The following COL17A1 variants were observed in gnomAD, a reference collection of about 807,000 sequenced individuals.
The protein encoded by COL17A1 is collagen alpha-1(XVII) chain.
COL17A1 carries 181 observed loss-of-function variants against 218.4 expected under a neutral mutation model. The ratio of observed to expected loss-of-function variants is 0.83; its 90% CI spans 0.73 to 0.94. COL17A1 has a LOEUF of 0.94. Among genes scored for constraint, COL17A1 ranks in the 40% least tolerant of loss-of-function variants. COL17A1 has a pLI of 0.00. For synonymous variants in COL17A1, 721 were observed against 731.0 expected (o/e 0.99, Z 0.22); for missense variants, 1,924 against 1,945.9 (o/e 0.99, Z 0.21).
intron 13 of COL17A1, among the ~76,000 whole-genome samples, chr10:104,060,747 T>A (rs805703): frequency 6.6e-6 from 1 of 152,156 alleles, no homozygotes; most frequent in Admixed American, 6.5e-5. Context: ...ACTTATTGCT[T>A]TCCTTATAAT....
At chr10:104,035,795 T>C (rs2086275237) in intron 48 of COL17A1, among the ~76,000 whole-genome samples, 3 of 30,632 alleles carry the variant, frequency 9.8e-5, no homozygotes. Context: ...TGTGTGTGTA[T>C]GAGTATGTGT....
intron 15 of COL17A1, 69 bp from the exon 16 acceptor site, chr10:104,058,259 C>T (rs148874976): frequency 1.1e-4 from 182 of 1,602,678 alleles, no homozygotes; most frequent in Admixed American, 2.2e-4. Flanking sequence ...TATGGAGTAG[C>T]CATTTTTTTA....
rs1206262699 is a variant in COL17A1 at position 104,063,889 on chromosome 10, C to T, written c.767-71G>A. ...GATAGGGATAGAGATTTGGATACCA[C>T]AGAAGCACCAGAAGAAATGCCAGGA... On this transcript the variant is annotated intron_variant, in intron 10 of 55. Transcript: ENST00000648076. 2.5e-6 allele frequency: 4 copies of T among 1,598,898 alleles called. No homozygotes were observed. The African/African-American group carries it at 4.0e-5, about 16-fold the overall frequency.
At chr10:104,060,043 C>T in intron 14 of COL17A1, 76 bp downstream of exon 14, 3 of 1,605,536 alleles carry the variant, frequency 1.9e-6, no homozygotes, top group South Asian at 1.1e-5. Flanking sequence ...GGTCCCAAAC[C>T]ACCTTGCTAG....
chr10:104,034,216 G>A lies in COL17A1; in HGVS notation c.3885C>T (p.Ser1295=). 1 of 1,612,708 alleles carries A rather than the reference G, an allele frequency of 6.2e-7. No individual in the cohort carries two copies. The highest frequency in any genetic ancestry group is 1.3e-5 in the African/African-American group (1 of 75,020). The change falls in exon 52 of 56, where the codon TCC becomes TCT. Residue 1295 remains serine, a synonymous_variant. Coordinates refer to ENST00000648076, the MANE Select transcript of COL17A1 (RefSeq NM_000494.4). ...CCCGCCTGACAGATGAGCTGTGTGA[G>A]GAGGAGCTGCTACCCCGACTGTGGG... The part of the protein sequence containing the change: ...DASHSRGSSS[S]SHSSSVRRGS...
chr10:104,071,925 T>C, intron 8 of COL17A1, 107 bp downstream of exon 8: 8 of 1,529,550 alleles, frequency 5.2e-6, no homozygotes, highest in Non-Finnish European at 7.2e-6. Context: ...TGTACATACA[T>C]GTGTGTGCAT....
intron 48 of COL17A1, among the ~76,000 whole-genome samples, chr10:104,035,851 C>CGTATGGGAGTGTGTGTGTGGGAGT (rs58330328): frequency 7.4e-6 from 1 of 135,506 alleles, no homozygotes; most frequent in Non-Finnish European, 1.6e-5. Flanking sequence ...TCGGAGTGTG[C>CGTATGGGAGTGTGTGTGTGGGAGT]GTATGGGAGT....
At chr10:104,081,406 G>T (rs887019279) in intron 1 of COL17A1, among the ~76,000 whole-genome samples, 15 of 152,138 alleles carry the variant, frequency 9.9e-5, no homozygotes, top group Non-Finnish European at 2.2e-4. Flanking sequence ...TTCTGAAAAA[G>T]AAAACCAGTG....
rs1203931924 is a variant in COL17A1 at position 104,062,457 on chromosome 10, C to T, written c.839-128G>A. On this transcript the variant is annotated intron_variant, in intron 11 of 55. Transcript: ENST00000648076. Reference sequence around the variant, plus strand: ...TTGCCAACAGATTCCCAAACTTCCTCGGTTCCCACACTCTTTGTAACGTAG... The same window carrying T: ...TTGCCAACAGATTCCCAAACTTCCTTGGTTCCCACACTCTTTGTAACGTAG... 1.6e-5 allele frequency: 20 copies of T among 1,249,436 alleles called. No homozygotes were observed. The East Asian group carries it at 2.4e-4, about 15-fold the overall frequency. 77.4% of individuals were successfully genotyped at this position (1,249,436 alleles called of 1,614,324 possible).
In COL17A1 at chr10:104,040,967, C is replaced by G. The variant is rs937972542; in HGVS notation, c.2701+98G>C. 4.5e-5 allele frequency: 58 copies of G among 1,298,754 alleles called. No homozygotes were observed. In the African/African-American group the frequency reaches 7.4e-4, roughly 17 times the overall value. 80.5% of individuals were successfully genotyped at this position (1,298,754 alleles called of 1,614,324 possible). A position where few individuals can be genotyped will look rare whatever the true frequency, so the allele number is the denominator to read the frequency against. ...CCCCATGGAAGTCAGGAGCAGGAAGCCTGGTGAGTAGGTTGTGACCACAAG... is the reference window on the plus strand; with the variant it reads ...CCCCATGGAAGTCAGGAGCAGGAAGGCTGGTGAGTAGGTTGTGACCACAAG... On this transcript the variant is annotated intron_variant, in intron 39 of 55. Transcript: ENST00000648076.
rs561769427 is a variant in COL17A1 at position 104,060,750 on chromosome 10, C to T, written c.980-470G>A. On this transcript the variant is annotated intron_variant, in intron 13 of 55. Transcript: ENST00000648076. ...CTCTACCACATTACTTATTGCTTTC[C>T]TTATAATCTGTATCCTTTTCTGTAA... is the stretch of plus-strand genomic sequence containing the variant. Among the ~76,000 whole-genome samples the T allele has an allele frequency of 2.0e-5, 3 of 152,280 alleles. No individual in the cohort carries two copies. The East Asian group carries it at 5.8e-4, about 29-fold the overall frequency.
chr10:104,045,226 T>G (rs993717193), intron 33 of COL17A1, among the ~76,000 whole-genome samples: 1 of 152,130 alleles, frequency 6.6e-6, no homozygotes, highest in Non-Finnish European at 1.5e-5. Flanking sequence ...TGAGCTCCCC[T>G]CTGAGTACCC....
In COL17A1 at chr10:104,070,542, A is replaced by C. The variant is rs779878625; in HGVS notation, c.491T>G (p.Leu164Trp). 45 of 1,614,084 alleles carry C rather than the reference A, an allele frequency of 2.8e-5. No homozygotes were observed. Among genetic ancestry groups the C allele is most frequent in the Non-Finnish European group, 3.6e-5 (43 of 1,180,044 alleles). ...RWTELDDVKR[L>W]LKGSRSASVS... ...ACTTGCCGATCGACTCCCCTTGAGC[A>C]AACGCTTAACATCATCCAATTCTGT... Residue 164 changes from leucine (L) to tryptophan (W), a missense_variant, in exon 9 of 56, where the codon TTG becomes TGG. By Grantham distance (61) the Leu-to-Trp change is moderately conservative. Coordinates refer to ENST00000648076, the MANE Select transcript of COL17A1 (RefSeq NM_000494.4).
Position 104,035,312 on chromosome 10 carries a change from G to A in COL17A1, c.3570C>T (p.Gly1190=). Residue 1190 remains glycine, a synonymous_variant, in exon 50 of 56, where the codon GGC becomes GGT. Transcript: ENST00000648076. ...PGPPGPPGIP[G]NVWSSISVED... is the part of the protein sequence containing the mutation. Reference sequence around the variant, plus strand: ...CCACGCTGATGCTGGACCACACATTGCCTGGGATCCCTGGTGGACCCGGGG... The same window carrying A: ...CCACGCTGATGCTGGACCACACATTACCTGGGATCCCTGGTGGACCCGGGG... The A allele has an allele frequency of 6.2e-7, 1 of 1,614,214 alleles. No homozygotes were observed. Among genetic ancestry groups the A allele is most frequent in the Non-Finnish European group, 8.5e-7 (1 of 1,180,026 alleles).
rs1278294108 is a variant in COL17A1 at position 104,031,350 on chromosome 10, C to T, written c.*885G>A. ...TTGAAATGATGTTTCATCTTATAGA[C>T]CACAAACAAATGTTTTTAGACATTG... is the stretch of plus-strand genomic sequence containing the variant. On this transcript the variant is annotated 3_prime_UTR_variant, in exon 56 of 56. Transcript: ENST00000648076. 1.3e-5 allele frequency: 2 copies of T among 152,508 alleles called. No homozygotes were observed. The highest frequency in any genetic ancestry group is 1.3e-4 in the Admixed American group (2 of 15,262). The allele number at this position is 152,508 out of a possible 1,614,324, so 9.4% of individuals were successfully genotyped here. A position where few individuals can be genotyped will look rare whatever the true frequency, so the allele number is the denominator to read the frequency against.
chr10:104,061,664 C>T (rs1258746496), intron 12 of COL17A1, among the ~76,000 whole-genome samples, 191 bp from the exon 13 acceptor site: 1 of 152,166 alleles, frequency 6.6e-6, no homozygotes, highest in African/African-American at 2.4e-5. Flanking sequence ...CCTCCTCATC[C>T]TTCTAGCTAC....
At chr10:104,074,351 G>A (rs2086692088) in intron 5 of COL17A1, 120 bp from the exon 6 acceptor site, 3 of 1,398,726 alleles carry the variant, frequency 2.1e-6, no homozygotes, top group Non-Finnish European at 3.0e-6. Flanking sequence ...TTTCAGGGGG[G>A]AATGAGGTAT....
chr10:104,036,157 TGTGAGTATGG>T (rs1564671471), intron 48 of COL17A1, among the ~76,000 whole-genome samples: 21 of 87,064 alleles, frequency 2.4e-4, no homozygotes, highest in African/African-American at 5.1e-4. Flanking sequence ...TGTATGGGAG[TGTGAGTATGG>T]GTGTGTGTGT....
chr10:104,049,907 G>T (rs187033521), intron 28 of COL17A1, among the ~76,000 whole-genome samples, 182 bp downstream of exon 28: 1 of 152,206 alleles, frequency 6.6e-6, no homozygotes, highest in East Asian at 1.9e-4. Context: ...TATACATCTG[G>T]ATACCTCCTT....
Sources: gnomAD v4.1 joint callset for allele counts (sites outside exome capture counted in the v4.1 genomes callset) on GRCh38, gnomAD v4.1.1 for gene constraint, MANE v1.5 for transcripts, NCBI Gene and HGNC (gene_info 2026-07-23, HGNC 2026-07-21) for gene names.